Variants in ZNF730 observed in about 807,000 individuals in gnomAD.
ZNF730 encodes the protein putative zinc finger protein 730.
A neutral mutation model predicts 12.6 loss-of-function variants in ZNF730; 12 were observed. That is an observed-to-expected ratio of 0.95 (90% CI 0.61 to 1.54). ZNF730 has a LOEUF of 1.54. ZNF730 is among the 40% of genes most tolerant of loss of function. The probability of loss-of-function intolerance (pLI) is 0.00; values close to 1 mark genes in which losing one functional copy is unlikely to be tolerated. For synonymous variants in ZNF730, 194 were observed against 195.8 expected (o/e 0.99, Z 0.08); for missense variants, 643 against 583.5 (o/e 1.10, Z -1.05).
intron 3 of ZNF730, among the ~76,000 whole-genome samples, chr19:23,138,846 TTGAGCCA>T (rs1359613160): frequency 1.3e-5 from 2 of 152,174 alleles, no homozygotes; most frequent in Non-Finnish European, 2.9e-5. Context: ...CATTACAGGT[TTGAGCCA>T]TGATGCCTGT....
At chr19:23,144,858 G>A (rs1278691880) in intron 3 of ZNF730, among the ~76,000 whole-genome samples, 1 of 151,972 alleles carries the variant, frequency 6.6e-6, no homozygotes, top group Non-Finnish European at 1.5e-5. Flanking sequence ...TTTGTCATAA[G>A]AGATAGAAAC....
chr19:23,121,362 A>G (rs1970596204), intron 1 of ZNF730, among the ~76,000 whole-genome samples: 1 of 152,082 alleles, frequency 6.6e-6, no homozygotes, highest in South Asian at 2.1e-4. Flanking sequence ...TGTGTATGAC[A>G]GAGTCTTGCT....
chr19:23,094,423 A>G (rs1333836933), intron 1 of ZNF730, among the ~76,000 whole-genome samples: 2 of 150,702 alleles, frequency 1.3e-5, no homozygotes, highest in African/African-American at 2.5e-5. Flanking sequence ...TGGGCACTCT[A>G]TAGATAGGTA....
chr19:23,109,950 TTTTA>T (rs774748719), intron 1 of ZNF730, among the ~76,000 whole-genome samples: 1 of 149,760 alleles, frequency 6.7e-6, no homozygotes, highest in Admixed American at 6.6e-5. Flanking sequence ...AATCGATTTC[TTTTA>T]TTTGTTTCTT....
chr19:23,107,689 TCAA>T (rs1283522367), intron 1 of ZNF730, among the ~76,000 whole-genome samples: 1 of 152,108 alleles, frequency 6.6e-6, no homozygotes, highest in African/African-American at 2.4e-5. Flanking sequence ...ATGTTTTATA[TCAA>T]CAAAAAATTA....
chr19:23,106,745 G>A (rs957177837), intron 1 of ZNF730, among the ~76,000 whole-genome samples: 9 of 150,306 alleles, frequency 6.0e-5, no homozygotes, highest in South Asian at 2.1e-4. Context: ...AGCCAAGATC[G>A]TGCCATTGCA....
chr19:23,114,408 GCCATTCTCCTGCCT>G (rs1329728070), upstream of ZNF730, among the ~76,000 whole-genome samples: 15 of 143,184 alleles, frequency 1.0e-4, no homozygotes, highest in East Asian at 3.3e-3. Flanking sequence ...CCGGGTTCTC[GCCATTCTCCTGCCT>G]CAGCCTCCCC....
chr19:23,130,780 T>A (rs531781304), intron 1 of ZNF730, among the ~76,000 whole-genome samples: 39 of 152,326 alleles, frequency 2.6e-4, no homozygotes, highest in African/African-American at 9.1e-4. Flanking sequence ...TTAGGTAAGC[T>A]TAGGAAAAAC....
At chr19:23,095,383 A>G (rs1970231771) in intron 1 of ZNF730, 1 of 398,536 alleles carries the variant, frequency 2.5e-6, no homozygotes, top group Non-Finnish European at 4.4e-6. Flanking sequence ...ATGTAGCTCT[A>G]CTGCCTAGGT....
At chr19:23,083,662 C>T (rs1970006909) in intron 1 of ZNF730, among the ~76,000 whole-genome samples, 1 of 151,122 alleles carries the variant, frequency 6.6e-6, no homozygotes. Flanking sequence ...TTTGGGTTTG[C>T]ATTTACCTGG....
intron 1 of ZNF730, among the ~76,000 whole-genome samples, chr19:23,075,746 T>C (rs1045638756): frequency 2.0e-5 from 3 of 151,998 alleles, no homozygotes; most frequent in Admixed American, 1.3e-4. Flanking sequence ...TGTTATTTTT[T>C]TTTTCTTTTC....
At chr19:23,112,607 G>A (rs1045598215), upstream of ZNF730, among the ~76,000 whole-genome samples, 2 of 152,034 alleles carry the variant, frequency 1.3e-5, no homozygotes, top group African/African-American at 4.8e-5. Context: ...TGTAATCCCA[G>A]CTACTCGTGG....
At position 23,146,138 on chromosome 19, in the gene ZNF730, G is replaced by A. The variant is rs7247102; in HGVS notation, c.1094G>A (p.Gly365Glu). ...AGACATAAGATAACTCATACTGGAG[G>A]GAAACCCTACAAATATAAAGAATGT... ...LNRHKITHTG[G>E]KPYKYKECGK... Residue 365 changes from glycine to glutamate, a missense_variant, in exon 4 of 4, where the codon GGG becomes GAG. Gly to Glu is a moderately conservative substitution (Grantham distance 98, BLOSUM62 -2). Transcript: ENST00000597761. 0.75 allele frequency: 1,205,029 copies of A among 1,607,916 alleles called. 454,030 individuals are homozygous for A. Among genetic ancestry groups the A allele is most frequent in the Admixed American group, 0.85 (50,638 of 59,492 alleles).
intron 1 of ZNF730, among the ~76,000 whole-genome samples, chr19:23,097,438 T>C (rs1970271738): frequency 1.3e-5 from 2 of 152,060 alleles, no homozygotes; most frequent in Non-Finnish European, 2.9e-5. Context: ...CTCGTCTTCA[T>C]ACATCCTGCC....
intron 1 of ZNF730, among the ~76,000 whole-genome samples, chr19:23,117,428 A>G (rs1970544848): frequency 6.6e-6 from 1 of 151,920 alleles, no homozygotes; most frequent in Admixed American, 6.6e-5. Context: ...GCAGCTCTGC[A>G]CCCGCAGCGC....
chr19:23,128,892 C>G (rs926002025), intron 1 of ZNF730, among the ~76,000 whole-genome samples: 2 of 152,156 alleles, frequency 1.3e-5, no homozygotes, highest in African/African-American at 4.8e-5. Flanking sequence ...CTCCCCTGCT[C>G]TGTGAAGCCT....
intron 3 of ZNF730, 60 bp downstream of exon 3, chr19:23,136,103 A>G (rs1178622427): frequency 1.6e-6 from 2 of 1,245,666 alleles, no homozygotes; most frequent in South Asian, 2.2e-5. Flanking sequence ...TAAAAAAAGA[A>G]AAAAAACCAG....
At chr19:23,116,597 T>A (rs1254843573), upstream of ZNF730, among the ~76,000 whole-genome samples, 2 of 142,854 alleles carry the variant, frequency 1.4e-5, no homozygotes, top group Non-Finnish European at 3.1e-5. Context: ...TTTTTTTGTA[T>A]TTTTAGTAGA....
At chr19:23,094,282 T>C (rs1970209150) in intron 1 of ZNF730, among the ~76,000 whole-genome samples, 2 of 151,454 alleles carry the variant, frequency 1.3e-5, no homozygotes, top group Non-Finnish European at 2.9e-5. Context: ...AGATTTTTTC[T>C]TTTCTTTTTT....
Sources: gnomAD v4.1 joint callset for allele counts (sites outside exome capture counted in the v4.1 genomes callset) on GRCh38, gnomAD v4.1.1 for gene constraint, MANE v1.5 for transcripts, NCBI Gene and HGNC (gene_info 2026-07-23, HGNC 2026-07-21) for gene names.